Variants in SNTG2 observed in about 807,000 individuals in gnomAD.
The protein encoded by SNTG2 is syntrophin gamma 2.
SNTG2 carries 74 observed loss-of-function variants against 70.9 expected under a neutral mutation model. That is an observed-to-expected ratio of 1.04 (90% CI 0.86 to 1.27). SNTG2 has a LOEUF of 1.27. SNTG2 is among the 50% of genes most tolerant of loss of function. The pLI is 0.00. For missense variants in SNTG2, 717 were observed against 690.7 expected, an observed-to-expected ratio of 1.04 and a Z score of -0.43; for synonymous variants, 278 against 273.8, an observed-to-expected ratio of 1.02 and a Z score of -0.15.
chr2:1,237,320 G>A (rs193196163), intron 9 of SNTG2, among the ~76,000 whole-genome samples: 558 of 152,272 alleles, frequency 3.7e-3, no homozygotes, highest in Admixed American at 7.1e-3. Flanking sequence ...CATATGTAAA[G>A]TATGTTTTTA....
chr2:1,114,358 G>C (rs1279681692), intron 4 of SNTG2, among the ~76,000 whole-genome samples: 1 of 151,484 alleles, frequency 6.6e-6, no homozygotes, highest in African/African-American at 2.4e-5. Flanking sequence ...CTTTGAGGAG[G>C]ATCCTGTGTG....
At chr2:1,142,631 C>CT (rs1464064063) in intron 6 of SNTG2, among the ~76,000 whole-genome samples, 1 of 152,220 alleles carries the variant, frequency 6.6e-6, no homozygotes, top group African/African-American at 2.4e-5. Flanking sequence ...CTCAACCACA[C>CT]TTAGTGTGGC....
rs531433861 is a variant in SNTG2, at chr2:974,596, A to G, written c.72+23528A>G. 2.6e-5 allele frequency among the ~76,000 whole-genome samples: 4 copies of G among 152,258 alleles called. 1 individual carries two copies. In the South Asian group the frequency reaches 8.3e-4, roughly 32 times the overall value. On this transcript the variant is annotated intron_variant, in intron 1 of 16. Coordinates refer to ENST00000308624, the MANE Select transcript of SNTG2 (RefSeq NM_018968.4). ...CTGGTGAGGGAGGGAGATTTTCTGAATCATTCATGAAGCTCTAGGTTTTCA... is the reference window on the plus strand; with the variant it reads ...CTGGTGAGGGAGGGAGATTTTCTGAGTCATTCATGAAGCTCTAGGTTTTCA...
At position 1,104,141 on chromosome 2, in the gene SNTG2, G is replaced by A. The variant is rs189791229; in HGVS notation, c.325+5731G>A. Among the ~76,000 whole-genome samples, 638 of 152,280 alleles carry A rather than the reference G, an allele frequency of 4.2e-3. 3 individuals are homozygous for A. Among genetic ancestry groups the A allele is most frequent in the Non-Finnish European group, 4.9e-3 (330 of 68,026 alleles). ...GACAGACATGCAAATGGCAGAGCCG[G>A]GGAGTGACCCCCAAGACCCTTCTCT... On this transcript the variant is annotated intron_variant, in intron 4 of 16. Coordinates refer to ENST00000308624, the MANE Select transcript of SNTG2 (RefSeq NM_018968.4).
At chr2:955,559 A>C (rs2147939734) in intron 1 of SNTG2, among the ~76,000 whole-genome samples, 2 of 152,328 alleles carry the variant, frequency 1.3e-5, no homozygotes, top group Middle Eastern at 6.8e-3. Context: ...CCTTCATCAA[A>C]ATAGTTTAAA....
At chr2:1,289,698 G>A (rs1192218570) in intron 14 of SNTG2, among the ~76,000 whole-genome samples, 1 of 152,156 alleles carries the variant, frequency 6.6e-6, no homozygotes, top group Non-Finnish European at 1.5e-5. Context: ...CAGTCATTGA[G>A]GACATTCACA....
At chr2:1,035,533 A>T (rs532644558) in intron 1 of SNTG2, among the ~76,000 whole-genome samples, 48 of 152,212 alleles carry the variant, frequency 3.2e-4, no homozygotes, top group Non-Finnish European at 6.8e-4. Context: ...TGCAATTCTA[A>T]AGATGCTCAT....
Position 1,209,172 on chromosome 2 carries a change from T to C in SNTG2, c.661T>C (p.Ser221Pro). The change falls in exon 9 of 17, where the codon TCC (serine) becomes CCC (proline). Residue 221 changes from serine to proline, a missense_variant. Ser to Pro is a moderately conservative substitution (Grantham distance 74). Coordinates refer to ENST00000308624, the MANE Select transcript of SNTG2 (RefSeq NM_018968.4). ...TGAGAAGCGCTGGCTGGACACCTTG[T>C]CCGTGCCTCTGTCCATGGCTCGCAT... ...RYEKRWLDTL[S>P]VPLSMARISR... is the part of the protein sequence containing the mutation. The C allele has an allele frequency of 1.2e-6, 2 of 1,614,016 alleles. No homozygotes were observed. Among genetic ancestry groups the C allele is most frequent in the Non-Finnish European group, 1.7e-6 (2 of 1,179,896 alleles).
chr2:1,366,145 T>C (rs1287313959), intron 16 of SNTG2, among the ~76,000 whole-genome samples: 1 of 152,204 alleles, frequency 6.6e-6, no homozygotes, highest in African/African-American at 2.4e-5. Flanking sequence ...ATTTAGAAAA[T>C]AGGATGTCAA....
rs28417815 is a variant in SNTG2, at chr2:1,237,013, G to C, written c.720-875G>C. 7.9e-4 allele frequency among the ~76,000 whole-genome samples: 119 copies of C among 151,212 alleles called. 2 individuals carry two copies. The highest frequency in any genetic ancestry group is 2.8e-3 in the African/African-American group (113 of 40,998). On this transcript the variant is annotated intron_variant, in intron 9 of 16. Transcript: ENST00000308624. ...GCTGGAGTGCAGTGGTGTGATCTCG[G>C]CTCACTGCAACCTCTGCCTCCTGGG...
intron 4 of SNTG2, among the ~76,000 whole-genome samples, chr2:1,134,630 G>A (rs1315084295): frequency 6.6e-6 from 1 of 152,180 alleles, no homozygotes; most frequent in Admixed American, 6.5e-5. Flanking sequence ...GTTCTCCAAG[G>A]CCCCACCAGA....
rs796091776 is a variant in SNTG2, at chr2:1,363,128, G to GAC, written c.1489-4214_1489-4213dup. On this transcript the variant is annotated intron_variant, in intron 16 of 16. Transcript: ENST00000308624. ...ACTCCTGTGAAACCCTCACAAAATG[G>GAC]ACCCCCCCCATGAAAGAGGAACCAT... Among the ~76,000 whole-genome samples the GAC allele has an allele frequency of 2.2e-4, 14 of 62,978 alleles. 1 individual carries two copies. The East Asian group carries it at 0.021, about 96-fold the overall frequency. The allele number at this position is 62,978 out of a possible 152,430, so 41.3% of individuals were successfully genotyped here.
intron 11 of SNTG2, among the ~76,000 whole-genome samples, chr2:1,243,252 C>A (rs576466819): frequency 1.2e-4 from 18 of 152,222 alleles, no homozygotes; most frequent in African/African-American, 4.3e-4. Flanking sequence ...ACTGTGTCAA[C>A]CCGATATAGA....
intron 1 of SNTG2, among the ~76,000 whole-genome samples, chr2:954,666 T>C (rs1660084504): frequency 6.6e-6 from 1 of 152,192 alleles, no homozygotes; most frequent in Non-Finnish European, 1.5e-5. Flanking sequence ...TAAGCTCCCC[T>C]ATGTGGGTGT....
At chr2:1,057,077 C>T (rs1662510801) in intron 1 of SNTG2, among the ~76,000 whole-genome samples, 1 of 151,886 alleles carries the variant, frequency 6.6e-6, no homozygotes, top group Non-Finnish European at 1.5e-5. Flanking sequence ...CAGGGTTGGA[C>T]GGGGCTTTCT....
chr2:1,155,440 T>C (rs56012111), intron 6 of SNTG2, among the ~76,000 whole-genome samples: 18,034 of 151,752 alleles, frequency 0.12, 1,671 homozygotes, highest in East Asian at 0.43. Context: ...ACACACCACA[T>C]ATGTACACAC....
intron 2 of SNTG2, 49 bp downstream of exon 2, chr2:1,083,704 C>A (rs1350130618): frequency 6.2e-7 from 1 of 1,603,042 alleles, no homozygotes; most frequent in South Asian, 1.1e-5. Flanking sequence ...GGACGAGCCC[C>A]ATGAACGGTC....
chr2:1,152,315 CAG>C (rs147004859), intron 6 of SNTG2, among the ~76,000 whole-genome samples: 3,245 of 152,308 alleles, frequency 0.021, 117 homozygotes, highest in African/African-American at 0.074. Flanking sequence ...ACCAAAGAAA[CAG>C]AGCGAGTAGG....
chr2:1,154,488 T>G (rs1215032519), intron 6 of SNTG2, among the ~76,000 whole-genome samples: 2 of 152,032 alleles, frequency 1.3e-5, no homozygotes, highest in Non-Finnish European at 2.9e-5. Flanking sequence ...TGATGAGAAG[T>G]TGGGTGAAGG....
Sources: gnomAD v4.1 joint callset for allele counts (sites outside exome capture counted in the v4.1 genomes callset) on GRCh38, gnomAD v4.1.1 for gene constraint, MANE v1.5 for transcripts, NCBI Gene and HGNC (gene_info 2026-07-23, HGNC 2026-07-21) for gene names.